The following MTRR variants were observed in gnomAD, a reference collection of about 807,000 sequenced individuals.
MTRR encodes methionine synthase reductase.
MTRR carries 63 observed loss-of-function variants against 79.2 expected under a neutral mutation model. The ratio of observed to expected loss-of-function variants is 0.80; its 90% CI spans 0.65 to 0.98. The LOEUF (loss-of-function observed/expected upper bound fraction) is 0.98. Ranked by LOEUF, MTRR falls within the 50% of genes least tolerant of loss-of-function variation. MTRR has a pLI of 0.00. For synonymous variants in MTRR, 355 were observed against 313.3 expected (o/e 1.13, Z -1.41); for missense variants, 895 against 839.6 (o/e 1.07, Z -0.82).
chr5:7,873,618 T>C (rs1481838992), intron 3 of MTRR, 92 bp downstream of exon 3: 12 of 1,457,528 alleles, frequency 8.2e-6, no homozygotes, highest in East Asian at 2.3e-5. Context: ...TGTGATCATA[T>C]AGGTTTTGTC....
chr5:7,881,961 C>T (rs1735667445), intron 5 of MTRR, among the ~76,000 whole-genome samples: 1 of 152,242 alleles, frequency 6.6e-6, no homozygotes, highest in Admixed American at 6.5e-5. Context: ...GTGGTGTTCT[C>T]ATTGTCAAAC....
chr5:7,887,613 A>ATGTAATT (rs1214766567), intron 8 of MTRR, among the ~76,000 whole-genome samples: 1 of 147,414 alleles, frequency 6.8e-6, no homozygotes, highest in African/African-American at 2.5e-5. Flanking sequence ...TCAGCTCGAG[A>ATGTAATT]TGTAATTTGA....
At position 7,883,342 on chromosome 5, in the gene MTRR, G is replaced by C. The variant is rs894668099; in HGVS notation, c.903+65G>C. ...CAGGATGTGCAGAAAGAGTTGTGTG[G>C]TGCTTGGTTATATATGCTGAGTGGT... On this transcript the variant is annotated intron_variant, in intron 6 of 14. Transcript: ENST00000440940. 17 of 1,606,982 alleles carry C rather than the reference G, an allele frequency of 1.1e-5. No homozygotes were observed. The African/African-American group carries it at 2.0e-4, about 19-fold the overall frequency.
intron 4 of MTRR, among the ~76,000 whole-genome samples, chr5:7,876,917 T>C (rs917371767): frequency 6.6e-6 from 1 of 152,214 alleles, no homozygotes; most frequent in Admixed American, 6.5e-5. Flanking sequence ...TTCTGAGTTG[T>C]GAGAGTGATA....
intron 3 of MTRR, 151 bp from the exon 4 acceptor site, chr5:7,875,107 T>A: frequency 1.5e-6 from 1 of 680,880 alleles, no homozygotes; most frequent in Non-Finnish European, 2.6e-6. Context: ...ATGCATAGAA[T>A]TACTCAAGGA....
chr5:7,868,199 G>GGA (rs1747183727), upstream of MTRR: 2 of 174,838 alleles, frequency 1.1e-5, no homozygotes, highest in African/African-American at 6.3e-5. Flanking sequence ...ACGAGTATCT[G>GGA]GAAAAAAAAA....
intron 9 of MTRR, 80 bp downstream of exon 9, chr5:7,889,355 T>C (rs1399336844): frequency 4.7e-6 from 7 of 1,498,746 alleles, no homozygotes; most frequent in Admixed American, 1.7e-5. Flanking sequence ...TAAAGAAAAT[T>C]TGCTGCTCTT....
rs2126770527 is a variant in MTRR at position 7,889,075 on chromosome 5, A to T, written c.1147-20A>T. On this transcript the variant is annotated intron_variant, in intron 8 of 14. Transcript: ENST00000440940. ...TACCCACAAATTGTGTCACAATTTA[A>T]GGCGGGCTCCTTTTTGTAGGCATTT... The T allele has an allele frequency of 1.2e-6, 2 of 1,614,014 alleles. No individual in the cohort carries two copies. The highest frequency in any genetic ancestry group is 1.7e-6 in the Non-Finnish European group (2 of 1,179,998).
At chr5:7,876,981 A>T (rs1734669990) in intron 4 of MTRR, among the ~76,000 whole-genome samples, 1 of 152,216 alleles carries the variant, frequency 6.6e-6, no homozygotes, top group South Asian at 2.1e-4. Context: ...TGTTTTCACA[A>T]AGGCTCCTCA....
upstream of MTRR, chr5:7,868,137 T>G: frequency 8.4e-7 from 1 of 1,195,372 alleles, no homozygotes; most frequent in Non-Finnish European, 1.2e-6. Flanking sequence ...AACACATGGT[T>G]AAATACATTG....
chr5:7,866,551 A>G, upstream of MTRR: 1 of 930,846 alleles, frequency 1.1e-6, no homozygotes, highest in East Asian at 2.4e-5. Context: ...TGGAAGAAAA[A>G]CTAAAGGCAA....
At chr5:7,890,419 A>C in intron 9 of MTRR, 1 of 985,238 alleles carries the variant, frequency 1.0e-6, no homozygotes, top group Non-Finnish European at 1.2e-6. Context: ...CAGGGTGGGG[A>C]GTTCTAAGTA....
intron 1 of MTRR, chr5:7,861,494 T>C (rs1013955366): frequency 4.2e-6 from 4 of 944,280 alleles, no homozygotes; most frequent in Non-Finnish European, 6.0e-6. Context: ...GAATCATATC[T>C]ATTTTTTTCA....
intron 5 of MTRR, 131 bp from the exon 6 acceptor site, chr5:7,883,024 C>T: frequency 8.5e-7 from 1 of 1,178,170 alleles, no homozygotes; most frequent in East Asian, 2.4e-5. Flanking sequence ...TGCCCTCATT[C>T]ATTTACCTTG....
intron 1 of MTRR, among the ~76,000 whole-genome samples, chr5:7,854,352 TATA>T (rs1003368203): frequency 1.3e-5 from 2 of 148,254 alleles, no homozygotes; most frequent in African/African-American, 5.2e-5. Flanking sequence ...TATGTAAAGA[TATA>T]TATTATATAT....
chr5:7,891,906 G>A (rs1737664046), intron 10 of MTRR, among the ~76,000 whole-genome samples: 1 of 152,122 alleles, frequency 6.6e-6, no homozygotes, highest in Non-Finnish European at 1.5e-5. Flanking sequence ...GCCGGGCGTG[G>A]TGGCAGGCGC....
rs765705195 is a variant in MTRR at position 7,862,890 on chromosome 5, CA to C, written n.498+834del. 8.7e-6 allele frequency: 14 copies of C among 1,613,960 alleles called. No homozygotes were observed. In the Admixed American group the frequency reaches 2.3e-4, roughly 27 times the overall value. ...ATAATCTTGCTCCTAAAAGGTTAGT[CA>C]GCCCAATCTTCACATATCTATAAAG... On this transcript the variant is annotated intron_variant and non_coding_transcript_variant, in intron 2 of 3. Coordinates refer to the MTRR transcript ENST00000502509.
At chr5:7,869,440 TCTGCCGCGGGAGGCCC>T in intron 1 of MTRR, 1 of 561,394 alleles carries the variant, frequency 1.8e-6, no homozygotes. Context: ...GGCGTCGGCC[TCTGCCGCGGGAGGCCC>T]CTGGGCGGCG....
chr5:7,869,481 A>C (rs989390152), intron 1 of MTRR: 2 of 507,768 alleles, frequency 3.9e-6, no homozygotes, highest in Admixed American at 3.5e-5. Context: ...GTCTCTCCTC[A>C]TGTTCTGCCT....
Sources: allele counts gnomAD v4.1 joint callset (sites outside exome capture counted in the v4.1 genomes callset), GRCh38; gene constraint gnomAD v4.1.1; transcripts MANE v1.5; gene names NCBI Gene and HGNC (gene_info 2026-07-23, HGNC 2026-07-21).